The following ROR1 variants were observed in gnomAD, a reference collection of about 807,000 sequenced individuals.
The protein encoded by ROR1 is ROR family WNT receptor 1, also known as inactive tyrosine-protein kinase transmembrane receptor ROR1.
Under a neutral mutation model 78.8 loss-of-function variants are expected in ROR1, and 19 were observed. The observed-to-expected ratio is 0.24, with a 90% CI of 0.17 to 0.35. The LOEUF (loss-of-function observed/expected upper bound fraction) is 0.35. Ranked by LOEUF, ROR1 falls within the 10% of genes least tolerant of loss-of-function variation. ROR1 has a pLI of 1.00. For missense variants in ROR1, 917 were observed against 1,177.8 expected, an observed-to-expected ratio of 0.78 and a Z score of 3.24; for synonymous variants, 386 against 433.6, an observed-to-expected ratio of 0.89 and a Z score of 1.36.
intron 1 of ROR1, among the ~76,000 whole-genome samples, chr1:63,938,777 C>T (rs888231126): frequency 3.9e-5 from 6 of 152,158 alleles, no homozygotes; most frequent in Non-Finnish European, 7.3e-5. Flanking sequence ...AGAAGGATCA[C>T]TTCAGCCTGG....
intron 4 of ROR1, among the ~76,000 whole-genome samples, chr1:64,074,914 T>C (rs569413697): frequency 1.8e-4 from 28 of 152,218 alleles, no homozygotes; most frequent in Non-Finnish European, 3.5e-4. Flanking sequence ...TAAAATGAGA[T>C]AACCTACGTG....
At chr1:63,849,554 C>G (rs771935983) in intron 1 of ROR1, among the ~76,000 whole-genome samples, 1 of 151,874 alleles carries the variant, frequency 6.6e-6, no homozygotes, top group African/African-American at 2.4e-5. Context: ...AAAAAGTTGG[C>G]GGGGTGTGGG....
chr1:64,013,885 G>C (rs528022867), intron 2 of ROR1, among the ~76,000 whole-genome samples: 1 of 152,246 alleles, frequency 6.6e-6, no homozygotes, highest in African/African-American at 2.4e-5. Context: ...AGGAAACATG[G>C]CATTAAATTA....
At chr1:64,106,221 A>G (rs1013420946) in intron 4 of ROR1, 1 of 152,078 alleles carries the variant, frequency 6.6e-6, no homozygotes, top group African/African-American at 2.4e-5. Flanking sequence ...CTTTGTAGCA[A>G]TTGTGAATGG....
intron 4 of ROR1, among the ~76,000 whole-genome samples, chr1:64,078,057 C>T (rs1207740073): frequency 6.6e-6 from 1 of 152,132 alleles, no homozygotes; most frequent in Non-Finnish European, 1.5e-5. Context: ...ATAACAAAAA[C>T]CTGGAGAAGC....
intron 1 of ROR1, among the ~76,000 whole-genome samples, chr1:63,861,448 G>T (rs929389901): frequency 1.3e-5 from 2 of 152,282 alleles, no homozygotes; most frequent in African/African-American, 4.8e-5. Context: ...GTCATAGCCT[G>T]CTTGAGTGTT....
At chr1:63,843,388 A>G in intron 1 of ROR1, 1 of 769,356 alleles carries the variant, frequency 1.3e-6, no homozygotes, top group Non-Finnish European at 2.3e-6. Context: ...CAGAAGATAA[A>G]CACCAGGTCC....
chr1:63,895,329 G>A (rs1645430983), intron 1 of ROR1, among the ~76,000 whole-genome samples: 1 of 152,164 alleles, frequency 6.6e-6, no homozygotes, highest in Non-Finnish European at 1.5e-5. Context: ...TAGACAGTGG[G>A]ATATAGTATT....
chr1:63,972,372 G>A (rs1646126091), intron 1 of ROR1, among the ~76,000 whole-genome samples: 2 of 152,062 alleles, frequency 1.3e-5, no homozygotes, highest in African/African-American at 4.8e-5. Context: ...CTCCAACTTT[G>A]GTGCATTTTT....
At chr1:63,810,125 G>A (rs553235924) in intron 1 of ROR1, among the ~76,000 whole-genome samples, 5 of 152,120 alleles carry the variant, frequency 3.3e-5, no homozygotes, top group African/African-American at 1.2e-4. Flanking sequence ...AATAAGAAAC[G>A]AGAAACCCAT....
chr1:63,967,741 C>T (rs1440408170), intron 1 of ROR1, among the ~76,000 whole-genome samples: 1 of 152,126 alleles, frequency 6.6e-6, no homozygotes, highest in Non-Finnish European at 1.5e-5. Flanking sequence ...CAGAGTTTGC[C>T]CTCAGGGCCC....
At chr1:63,869,729 A>G (rs1286702861) in intron 1 of ROR1, among the ~76,000 whole-genome samples, 1 of 152,214 alleles carries the variant, frequency 6.6e-6, no homozygotes, top group Non-Finnish European at 1.5e-5. Flanking sequence ...GGAAGTCCTC[A>G]TTCAGTTATT....
intron 1 of ROR1, among the ~76,000 whole-genome samples, chr1:63,792,318 G>A (rs970127637): frequency 6.6e-6 from 1 of 152,168 alleles, no homozygotes; most frequent in African/African-American, 2.4e-5. Flanking sequence ...TGTGTGCCAG[G>A]CAGTATTCAG....
chr1:64,170,872 C>T (rs1650219050), intron 8 of ROR1, among the ~76,000 whole-genome samples: 1 of 152,160 alleles, frequency 6.6e-6, no homozygotes, highest in African/African-American at 2.4e-5. Flanking sequence ...TAACAAGAGT[C>T]ACCTCTGCTT....
chr1:64,083,536 T>TGTGTGTGTGTGTGTGTGTGTC (rs139973518), intron 4 of ROR1, among the ~76,000 whole-genome samples: 1 of 150,726 alleles, frequency 6.6e-6, no homozygotes, highest in African/African-American at 2.4e-5. Flanking sequence ...AGTGTGTGTG[T>TGTGTGTGTGTGTGTGTGTGTC]TTTAGGAACA....
chr1:63,896,061 G>A (rs994805011), intron 1 of ROR1, among the ~76,000 whole-genome samples: 2 of 152,068 alleles, frequency 1.3e-5, no homozygotes, highest in Admixed American at 1.3e-4. Flanking sequence ...TGCCCTAGAT[G>A]AGTGGCTAAC....
At position 64,049,003 on chromosome 1, in the gene ROR1, A is replaced by C. The variant is rs546317515; in HGVS notation, c.164-688A>C. Reference sequence around the variant, plus strand: ...CATTTGCCTGTACTCATAGAACTGTATAACTAAGATCTGTATATTGCACAG... The same window carrying C: ...CATTTGCCTGTACTCATAGAACTGTCTAACTAAGATCTGTATATTGCACAG... On this transcript the variant is annotated intron_variant, in intron 2 of 8. Coordinates refer to ENST00000371079, the MANE Select transcript of ROR1 (RefSeq NM_005012.4). 3.9e-5 allele frequency among the ~76,000 whole-genome samples: 6 copies of C among 152,358 alleles called. No individual in the cohort carries two copies. In the South Asian group the frequency reaches 1.2e-3, roughly 32 times the overall value.
chr1:63,891,462 G>A (rs1047971186), intron 1 of ROR1, among the ~76,000 whole-genome samples: 1 of 152,176 alleles, frequency 6.6e-6, no homozygotes, highest in Non-Finnish European at 1.5e-5. Context: ...GCAGGTGTGA[G>A]CGGTTGCCTA....
intron 1 of ROR1, among the ~76,000 whole-genome samples, chr1:63,872,109 A>G (rs1296192452): frequency 6.6e-6 from 1 of 152,238 alleles, no homozygotes; most frequent in African/African-American, 2.4e-5. Flanking sequence ...GCATGCTTTC[A>G]GCAGAAACTG....
Sources: gnomAD v4.1 joint callset for allele counts (sites outside exome capture counted in the v4.1 genomes callset) on GRCh38, gnomAD v4.1.1 for gene constraint, MANE v1.5 for transcripts, NCBI Gene and HGNC (gene_info 2026-07-23, HGNC 2026-07-21) for gene names.